CYREN: variants seen among roughly 807,000 people sequenced by gnomAD.
CYREN encodes cell cycle regulator of NHEJ, also known as cell cycle regulator of non-homologous end joining.
A neutral mutation model predicts 9.7 loss-of-function variants in CYREN; 7 were observed. The ratio of observed to expected loss-of-function variants is 0.72; its 90% CI spans 0.41 to 1.36. The LOEUF (loss-of-function observed/expected upper bound fraction) is 1.36, where lower values mean the gene tolerates loss of function less well. CYREN is among the 40% of genes most tolerant of loss of function. CYREN has a pLI of 0.01. For synonymous variants in CYREN, 76 were observed against 77.9 expected (o/e 0.98, Z 0.13); for missense variants, 215 against 198.1 (o/e 1.09, Z -0.51).
rs115813701 is a variant in CYREN, at chr7:135,140,542, C to T, written n.356+28207G>A. ...TTGACTTCATCTCTTTTTATTTGGACGCCTTTTATTTCTTTCTCTTGCCTA... is the reference window on the plus strand; with the variant it reads ...TTGACTTCATCTCTTTTTATTTGGATGCCTTTTATTTCTTTCTCTTGCCTA... On this transcript the variant is annotated intron_variant and non_coding_transcript_variant, in intron 2 of 2. Coordinates refer to the CYREN transcript ENST00000459937. Among the ~76,000 whole-genome samples the T allele has an allele frequency of 9.5e-3, 1,443 of 151,916 alleles. 20 individuals carry two copies. Among genetic ancestry groups the T allele is most frequent in the African/African-American group, 0.033 (1,352 of 41,486 alleles).
At chr7:135,159,498 G>A (rs139084775) in intron 2 of CYREN, among the ~76,000 whole-genome samples, 337 of 152,186 alleles carry the variant, frequency 2.2e-3, no homozygotes, top group Non-Finnish European at 2.9e-3. Flanking sequence ...AATTTGTATC[G>A]CCTTTAAGCA....
At chr7:135,128,360 C>A in intron 2 of CYREN, 6 of 325,826 alleles carry the variant, frequency 1.8e-5, no homozygotes, top group East Asian at 6.9e-5. Flanking sequence ...TGTAAACTGT[C>A]ATGGCCCTGG....
At chr7:135,171,444 T>C (rs1479624961), upstream of CYREN, among the ~76,000 whole-genome samples, 1 of 152,154 alleles carries the variant, frequency 6.6e-6, no homozygotes, top group African/African-American at 2.4e-5. Flanking sequence ...TAGAAACCGA[T>C]GTTATTCATA....
downstream of CYREN, among the ~76,000 whole-genome samples, chr7:135,163,417 G>A (rs1829999429): frequency 6.6e-6 from 1 of 152,128 alleles, no homozygotes; most frequent in African/African-American, 2.4e-5. Flanking sequence ...CAAGGTGGGT[G>A]GATCATTTGA....
chr7:135,099,817 A>T (rs190296452), intron 2 of CYREN: 21 of 151,282 alleles, frequency 1.4e-4, no homozygotes, highest in African/African-American at 4.8e-4. Context: ...CTACCCCAAT[A>T]GATGCTTTAA....
chr7:135,125,828 T>G (rs1827796892), intron 2 of CYREN, among the ~76,000 whole-genome samples: 1 of 152,194 alleles, frequency 6.6e-6, no homozygotes, highest in Non-Finnish European at 1.5e-5. Context: ...AAAAAGAGTT[T>G]TGATAAAATT....
chr7:135,108,077 C>T (rs1257862913), intron 2 of CYREN, among the ~76,000 whole-genome samples: 2 of 152,080 alleles, frequency 1.3e-5, no homozygotes, highest in African/African-American at 2.4e-5. Flanking sequence ...GATTCTTCTC[C>T]ATCCCTTTAT....
downstream of CYREN, chr7:135,165,154 C>A (rs1282784247): frequency 5.1e-6 from 4 of 787,006 alleles, no homozygotes; most frequent in African/African-American, 3.5e-5. Context: ...GGCCGAGGGG[C>A]AGCAAGGGCA....
chr7:135,159,435 G>A (rs1454239684), intron 2 of CYREN, among the ~76,000 whole-genome samples: 1 of 152,178 alleles, frequency 6.6e-6, no homozygotes. Flanking sequence ...CAACAAAAAA[G>A]CTGCCTTAAA....
At chr7:135,167,847 T>C (rs1830293898) in intron 2 of CYREN, 40 bp from the exon 3 acceptor site, 3 of 1,613,452 alleles carry the variant, frequency 1.9e-6, no homozygotes, top group African/African-American at 1.3e-5. Context: ...ACACAGACTC[T>C]CAAGTCTCAT....
At chr7:135,146,174 G>C (rs1829541041) in intron 2 of CYREN, among the ~76,000 whole-genome samples, 1 of 152,180 alleles carries the variant, frequency 6.6e-6, no homozygotes, top group African/African-American at 2.4e-5. Context: ...CAGGAATAGG[G>C]AGACCTAACG....
chr7:135,168,613 C>A, intron 2 of CYREN, 173 bp downstream of exon 2: 1 of 1,025,434 alleles, frequency 9.8e-7, no homozygotes, highest in Non-Finnish European at 1.4e-6. Flanking sequence ...AGGGTTAACC[C>A]GCTTTGCCTC....
chr7:135,096,742 TGAAAGAAAGAAAGAAAGAAAGAAA>T lies in CYREN; in HGVS notation n.357-2184_357-2161del, dbSNP rs3038284. Among the ~76,000 whole-genome samples the T allele has an allele frequency of 1.8e-3, 178 of 101,184 alleles. 1 individual carries two copies. The highest frequency in any genetic ancestry group is 6.2e-3 in the African/African-American group (164 of 26,256). 66.4% of individuals were successfully genotyped at this position (101,184 alleles called of 152,430 possible). ...AAAGAGAAGAAAGAAAGAGAAAGAA[TGAAAGAAAGAAAGAAAGAAAGAAA>T]GAAAGAAAGAAAGAAAGAAAGAAAG... is the stretch of plus-strand genomic sequence containing the variant. On this transcript the variant is annotated intron_variant and non_coding_transcript_variant, in intron 2 of 2. Transcript: ENST00000459937.
At chr7:135,171,226 A>G (rs1165480294), upstream of CYREN, among the ~76,000 whole-genome samples, 2 of 152,240 alleles carry the variant, frequency 1.3e-5, no homozygotes, top group South Asian at 2.1e-4. Flanking sequence ...TGTATTAACC[A>G]AGGCTAGAAA....
intron 2 of CYREN, among the ~76,000 whole-genome samples, chr7:135,109,609 C>G (rs1825312544): frequency 6.6e-6 from 1 of 152,168 alleles, no homozygotes; most frequent in Admixed American, 6.5e-5. Context: ...TGGCCCACCC[C>G]TCCCTCTGGG....
chr7:135,103,879 TA>T (rs1824239470), intron 2 of CYREN, among the ~76,000 whole-genome samples: 1 of 152,166 alleles, frequency 6.6e-6, no homozygotes. Context: ...TCAACTGCTT[TA>T]TTTTTTTTTA....
chr7:135,155,142 T>A (rs1367821930), intron 2 of CYREN, among the ~76,000 whole-genome samples: 1 of 152,266 alleles, frequency 6.6e-6, no homozygotes. Flanking sequence ...TTATCAGATA[T>A]AAGTATAGCT....
chr7:135,169,279 C>G (rs1317308957), intron 1 of CYREN: 4 of 172,854 alleles, frequency 2.3e-5, no homozygotes, highest in Non-Finnish European at 4.9e-5. Context: ...CAAAGCCAAC[C>G]AGAGATACCT....
At chr7:135,096,868 C>T (rs1043361207) in intron 2 of CYREN, among the ~76,000 whole-genome samples, 8 of 152,014 alleles carry the variant, frequency 5.3e-5, no homozygotes, top group South Asian at 2.1e-4. Context: ...TAGGAAGATA[C>T]GCAAAATAGA....
Sources: gnomAD v4.1 joint callset for allele counts (sites outside exome capture counted in the v4.1 genomes callset) on GRCh38, gnomAD v4.1.1 for gene constraint, MANE v1.5 for transcripts, NCBI Gene and HGNC (gene_info 2026-07-23, HGNC 2026-07-21) for gene names.